Variants in RIMBP2 observed in about 807,000 individuals in gnomAD.
The protein encoded by RIMBP2 is RIMS-binding protein 2.
A neutral mutation model predicts 118.6 loss-of-function variants in RIMBP2; 48 were observed. That is an observed-to-expected ratio of 0.40 (90% CI 0.32 to 0.51). RIMBP2 has a LOEUF of 0.51. Among genes scored for constraint, RIMBP2 ranks in the 20% least tolerant of loss-of-function variants. The probability of loss-of-function intolerance (pLI) is 0.41; values close to 1 mark genes in which losing one functional copy is unlikely to be tolerated. For synonymous variants in RIMBP2, 762 were observed against 742.9 expected (o/e 1.03, Z -0.42); for missense variants, 1,551 against 1,768.3 (o/e 0.88, Z 2.20).
At chr12:130,598,065 C>CA (rs1289375902) in intron 2 of RIMBP2, among the ~76,000 whole-genome samples, 19 of 152,002 alleles carry the variant, frequency 1.2e-4, no homozygotes, top group Admixed American at 1.2e-3. Context: ...GATCAACATA[C>CA]AAAAAATAAT....
At chr12:130,579,803 A>AG (rs2058339481) in intron 2 of RIMBP2, among the ~76,000 whole-genome samples, 1 of 152,054 alleles carries the variant, frequency 6.6e-6, no homozygotes, top group South Asian at 2.1e-4. Context: ...GCGATGGTGA[A>AG]GGGTCCAACA....
intron 4 of RIMBP2, among the ~76,000 whole-genome samples, chr12:130,486,815 A>T (rs2082531094): frequency 6.6e-6 from 1 of 151,348 alleles, no homozygotes; most frequent in African/African-American, 2.4e-5. Context: ...TCTCTCCCCT[A>T]GACTATGGTA....
In RIMBP2 at chr12:130,622,481, T is replaced by A. The variant is rs958272601; in HGVS notation, c.-217+5841A>T. 5.3e-5 allele frequency among the ~76,000 whole-genome samples: 8 copies of A among 151,910 alleles called. No homozygotes were observed. The highest frequency in any genetic ancestry group is 1.9e-4 in the African/African-American group (8 of 41,384). ...ACGTATAATTCTCTACTATTTTTCA[T>A]ATATTTATATATAATATATATTTGA... is the stretch of plus-strand genomic sequence containing the variant. On this transcript the variant is annotated intron_variant, in intron 2 of 22. Coordinates refer to ENST00000690449, the MANE Select transcript of RIMBP2 (RefSeq NM_001393629.1). The surrounding 1 kb of genome is among the most constrained non-coding windows in gnomAD (Gnocchi z 8.5).
rs1038423646 is a variant in RIMBP2, at chr12:130,511,770, C to T, written c.-126-5000G>A. 1.3e-5 allele frequency among the ~76,000 whole-genome samples: 2 copies of T among 152,146 alleles called. No individual in the cohort carries two copies. Among genetic ancestry groups the T allele is most frequent in the African/African-American group, 2.4e-5 (1 of 41,444 alleles). ...CGTGAGAAAAGCTTCAGCCCCTCTTCCTCCCACCACAGTGGGGATGCGACC... is the reference window on the plus strand; with the variant it reads ...CGTGAGAAAAGCTTCAGCCCCTCTTTCTCCCACCACAGTGGGGATGCGACC... On this transcript the variant is annotated intron_variant, in intron 3 of 22. Coordinates refer to ENST00000690449, the MANE Select transcript of RIMBP2 (RefSeq NM_001393629.1). This position sits in a 1 kb window ranked among gnomAD's most constrained non-coding sequence, Gnocchi z 4.3.
chr12:130,483,595 G>C (rs1430526430), intron 4 of RIMBP2, among the ~76,000 whole-genome samples: 1 of 150,338 alleles, frequency 6.7e-6, no homozygotes, highest in East Asian at 1.9e-4. Context: ...AGCCCCACGC[G>C]GCTGTGGGTG....
At chr12:130,470,942 A>C (rs11060924) in intron 5 of RIMBP2, among the ~76,000 whole-genome samples, 199 bp from the exon 6 acceptor site, 3,149 of 152,298 alleles carry the variant, frequency 0.021, 88 homozygotes, top group East Asian at 0.15. Flanking sequence ...GTACAGATAA[A>C]TTGCACATCC....
At chr12:130,543,564 A>G (rs558457917) in intron 2 of RIMBP2, among the ~76,000 whole-genome samples, 3 of 152,262 alleles carry the variant, frequency 2.0e-5, no homozygotes, top group African/African-American at 7.2e-5. Flanking sequence ...TTCTCCAAAG[A>G]TGAGCCCTAT....
intron 1 of RIMBP2, among the ~76,000 whole-genome samples, chr12:130,647,603 TGGA>T (rs901427562): frequency 2.1e-5 from 3 of 145,060 alleles, no homozygotes; most frequent in African/African-American, 7.4e-5. Flanking sequence ...CTGAGGGGCC[TGGA>T]GGAGGTCACA....
chr12:130,515,078 G>A lies in RIMBP2; in HGVS notation c.-127+2750C>T, dbSNP rs543343867. On this transcript the variant is annotated intron_variant, in intron 3 of 22. Coordinates refer to ENST00000690449, the MANE Select transcript of RIMBP2 (RefSeq NM_001393629.1). ...TTTTTAGTAGAGACGGGGTTTCACC[G>A]TGTTAGCCAGGATGGTCTCAATCTC... 4.6e-3 allele frequency among the ~76,000 whole-genome samples: 702 copies of A among 152,122 alleles called. 8 individuals are homozygous for A. The highest frequency in any genetic ancestry group is 0.016 in the African/African-American group (672 of 41,494).
chr12:130,460,519 G>A (rs191507291), intron 6 of RIMBP2, among the ~76,000 whole-genome samples: 14 of 152,286 alleles, frequency 9.2e-5, no homozygotes, highest in Non-Finnish European at 2.1e-4. Flanking sequence ...TAACAGTGCT[G>A]TTGGTATTAG....
intron 2 of RIMBP2, among the ~76,000 whole-genome samples, chr12:130,572,964 G>A (rs1404591229): frequency 6.6e-6 from 1 of 152,080 alleles, no homozygotes; most frequent in African/African-American, 2.4e-5. Context: ...CCCCCGGGGG[G>A]ACAGAGCTGT....
chr12:130,543,257 T>C (rs2054774684), intron 2 of RIMBP2, among the ~76,000 whole-genome samples: 1 of 152,208 alleles, frequency 6.6e-6, no homozygotes, highest in Non-Finnish European at 1.5e-5. Context: ...AAAATCCCCA[T>C]TATCTTACTA....
rs1240706819 is a variant in RIMBP2 at position 130,431,584 on chromosome 12, A to T, written c.2253+3150T>A. ...TATTATATTATTAACAATATATATTAACAATTAATATATTGTTATATTATT... is the reference window on the plus strand; with the variant it reads ...TATTATATTATTAACAATATATATTTACAATTAATATATTGTTATATTATT... On this transcript the variant is annotated intron_variant, in intron 14 of 22. Coordinates refer to ENST00000690449, the MANE Select transcript of RIMBP2 (RefSeq NM_001393629.1). The surrounding 1 kb of genome is among the most constrained non-coding windows in gnomAD (Gnocchi z 4.0). The T allele has an allele frequency of 6.0e-6, 1 of 165,386 alleles. No homozygotes were observed. The highest frequency in any genetic ancestry group is 1.3e-5 in the Non-Finnish European group (1 of 78,028). 10.2% of individuals were successfully genotyped at this position (165,386 alleles called of 1,614,324 possible).
intron 1 of RIMBP2, among the ~76,000 whole-genome samples, chr12:130,673,195 G>A (rs1165614974): frequency 6.6e-6 from 1 of 152,224 alleles, no homozygotes; most frequent in Admixed American, 6.5e-5. Context: ...GTAAACAGCA[G>A]GAGCTGCTCA....
At position 130,442,752 on chromosome 12, in the gene RIMBP2, A is replaced by C; in HGVS notation, c.692-92T>G. 9.2e-7 allele frequency: 1 copy of C among 1,089,578 alleles called. No homozygotes were observed. The highest frequency in any genetic ancestry group is 1.3e-6 in the Non-Finnish European group (1 of 761,118). The allele number at this position is 1,089,578 out of a possible 1,614,324, so 67.5% of individuals were successfully genotyped here. A position where few individuals can be genotyped will look rare whatever the true frequency, so the allele number is the denominator to read the frequency against. Reference sequence around the variant, plus strand: ...CTCCCACCTCCCCCACCAGGACCATAAGGCAGAGCAACAGGGTTGCCCTGG... The same window carrying C: ...CTCCCACCTCCCCCACCAGGACCATCAGGCAGAGCAACAGGGTTGCCCTGG... On this transcript the variant is annotated intron_variant, in intron 10 of 22. Coordinates refer to ENST00000690449, the MANE Select transcript of RIMBP2 (RefSeq NM_001393629.1). The surrounding 1 kb of genome is among the most constrained non-coding windows in gnomAD (Gnocchi z 6.9).
At chr12:130,601,056 T>C (rs1334388829) in intron 2 of RIMBP2, among the ~76,000 whole-genome samples, 1 of 152,136 alleles carries the variant, frequency 6.6e-6, no homozygotes, top group Non-Finnish European at 1.5e-5. Flanking sequence ...GCACATTCTC[T>C]GCAAGTCCAC....
rs909365530 is a variant in RIMBP2 at position 130,436,983 on chromosome 12, C to T, written c.1965G>A (p.Met655Ile). ...SRAPGPVHGH[M>I]LEPPVGPGRR... ...TTCCGGGGCCCACGGGCGGCTCCAG[C>T]ATGTGCCCATGCACAGGGCCAGGTG... The change falls in exon 13 of 23, where the codon ATG (methionine) becomes ATA (isoleucine). Residue 655 changes from methionine to isoleucine, a missense_variant. Transcript: ENST00000690449. 2.4e-5 allele frequency: 39 copies of T among 1,609,178 alleles called. No individual in the cohort carries two copies. Among genetic ancestry groups the T allele is most frequent in the Non-Finnish European group, 3.2e-5 (38 of 1,177,862 alleles).
rs2074343492 is a variant in RIMBP2, at chr12:130,399,661, C to G, written c.3900+18G>C. 8 of 1,613,690 alleles carry G rather than the reference C, an allele frequency of 5.0e-6. No homozygotes were observed. The South Asian group carries it at 6.6e-5, about 13-fold the overall frequency. On this transcript the variant is annotated intron_variant, in intron 22 of 22. Transcript: ENST00000690449. The stretch of plus-strand genomic sequence containing the variant: ...CAGAACGGGACAGAGATTAAAAAGG[C>G]TAAATAGGTTTGCTTACCCTTTTTG...
At chr12:130,647,937 G>A (rs2063058823) in intron 1 of RIMBP2, among the ~76,000 whole-genome samples, 1 of 132,756 alleles carries the variant, frequency 7.5e-6, no homozygotes, top group Non-Finnish European at 1.8e-5. Context: ...AAACCTCGGT[G>A]TGGCTGTTTG....
Sources: allele counts gnomAD v4.1 joint callset (sites outside exome capture counted in the v4.1 genomes callset), GRCh38; gene constraint gnomAD v4.1.1; non-coding constraint Gnocchi (gnomAD v3.1); transcripts MANE v1.5; gene names NCBI Gene and HGNC (gene_info 2026-07-23, HGNC 2026-07-21).